The following IRAG1 variants were observed in gnomAD, a reference collection of about 807,000 sequenced individuals.
The protein encoded by IRAG1 is inositol 1,4,5-triphosphate receptor associated 1, also known as IP3R-associated cGMP kinase substrate.
A neutral mutation model predicts 106.2 loss-of-function variants in IRAG1; 62 were observed. The observed-to-expected ratio is 0.58, with a 90% CI of 0.48 to 0.72. The LOEUF (loss-of-function observed/expected upper bound fraction) is 0.72. IRAG1 is among the 30% of genes least tolerant of loss of function. The probability of loss-of-function intolerance (pLI) is 0.00; values close to 1 mark genes in which losing one functional copy is unlikely to be tolerated. For missense variants in IRAG1, 1,064 were observed against 1,140.7 expected, an observed-to-expected ratio of 0.93 and a Z score of 0.97; for synonymous variants, 462 against 443.9, an observed-to-expected ratio of 1.04 and a Z score of -0.51.
rs771960829 is a variant in IRAG1, at chr11:10,626,481, T to C, written c.853A>G (p.Ile285Val). The change falls in exon 9 of 21, where the codon ATT becomes GTT. Residue 285 changes from isoleucine to valine, a missense_variant. By Grantham distance (29) the Ile-to-Val change is conservative. Coordinates refer to ENST00000423302, the MANE Select transcript of IRAG1 (RefSeq NM_130385.4). ...RPPPVEKSKE[I>V]AIEQKENFDP... Reference sequence around the variant, plus strand: ...AAGTTTTCCTTTTGTTCTATTGCAATCTCTTTGGACTTCTCAACTGGAGGA... The same window carrying C: ...AAGTTTTCCTTTTGTTCTATTGCAACCTCTTTGGACTTCTCAACTGGAGGA... 5 of 1,613,600 alleles carry C rather than the reference T, an allele frequency of 3.1e-6. No individual in the cohort carries two copies. Among genetic ancestry groups the C allele is most frequent in the African/African-American group, 1.3e-5 (1 of 74,888 alleles).
At position 10,637,144 on chromosome 11, in the gene IRAG1, A is replaced by G. The variant is rs904003456; in HGVS notation, c.226-3073T>C. ...AGATCATCCATGCATCCCTCTATTCACACTGGTTGAGATGACAGAAGAGGC... is the reference window on the plus strand; with the variant it reads ...AGATCATCCATGCATCCCTCTATTCGCACTGGTTGAGATGACAGAAGAGGC... On this transcript the variant is annotated intron_variant, in intron 2 of 20. Coordinates refer to ENST00000423302, the MANE Select transcript of IRAG1 (RefSeq NM_130385.4). 3.9e-5 allele frequency among the ~76,000 whole-genome samples: 6 copies of G among 152,226 alleles called. 1 individual carries two copies. Among genetic ancestry groups the G allele is most frequent in the Admixed American group, 2.6e-4 (4 of 15,278 alleles).
chr11:10,626,660 GTC>G, intron 8 of IRAG1, 77 bp from the exon 9 acceptor site: 1 of 1,468,396 alleles, frequency 6.8e-7, no homozygotes, highest in Non-Finnish European at 9.1e-7. Flanking sequence ...CTGCTGTGGA[GTC>G]TCTGCCCCCA....
intron 1 of IRAG1, among the ~76,000 whole-genome samples, chr11:10,680,215 G>T (rs989860782): frequency 2.0e-5 from 3 of 146,576 alleles, no homozygotes; most frequent in South Asian, 2.3e-4. Context: ...GGAGGTTGCA[G>T]TGAGCAGAGA....
chr11:10,656,099 G>A (rs920931214), intron 1 of IRAG1, among the ~76,000 whole-genome samples: 4 of 152,176 alleles, frequency 2.6e-5, no homozygotes, highest in African/African-American at 7.2e-5. Flanking sequence ...GTGGGCACAC[G>A]GACCTCACAT....
chr11:10,679,100 A>G (rs1285869375), intron 1 of IRAG1, among the ~76,000 whole-genome samples: 1 of 152,194 alleles, frequency 6.6e-6, no homozygotes, highest in Non-Finnish European at 1.5e-5. Context: ...AGTTGTGTCT[A>G]TACTGCTCCT....
intron 2 of IRAG1, among the ~76,000 whole-genome samples, chr11:10,644,054 G>A (rs1191647954): frequency 2.0e-5 from 3 of 152,226 alleles, no homozygotes; most frequent in Admixed American, 2.0e-4. Flanking sequence ...CCAGCCTGGT[G>A]GAACTGTCCT....
intron 17 of IRAG1, among the ~76,000 whole-genome samples, chr11:10,592,267 G>A (rs1852767678): frequency 6.6e-6 from 1 of 152,106 alleles, no homozygotes; most frequent in Non-Finnish European, 1.5e-5. Context: ...TACCCTGTGT[G>A]GTTTTTAATC....
intron 2 of IRAG1, among the ~76,000 whole-genome samples, chr11:10,650,261 CTTGTT>C (rs1858361130): frequency 6.6e-6 from 1 of 152,038 alleles, no homozygotes; most frequent in Non-Finnish European, 1.5e-5. Context: ...TCTATGTTGT[CTTGTT>C]TTATGTTTCC....
At chr11:10,580,861 G>C (rs1283598345) in intron 19 of IRAG1, among the ~76,000 whole-genome samples, 2 of 152,166 alleles carry the variant, frequency 1.3e-5, no homozygotes, top group East Asian at 1.9e-4. Flanking sequence ...TCCTGACTGG[G>C]TTCTTAACCC....
intron 1 of IRAG1, chr11:10,687,844 A>G: frequency 7.9e-7 from 1 of 1,259,854 alleles, no homozygotes; most frequent in Non-Finnish European, 1.0e-6. Flanking sequence ...AAGAATAGAC[A>G]GTGGGCTAAG....
intron 10 of IRAG1, among the ~76,000 whole-genome samples, chr11:10,619,645 G>A (rs907778844): frequency 3.3e-5 from 5 of 152,192 alleles, no homozygotes; most frequent in African/African-American, 1.2e-4. Flanking sequence ...AAATGAAAAT[G>A]TATGCCAGGT....
chr11:10,658,697 G>T (rs147472820), intron 1 of IRAG1: 8 of 187,622 alleles, frequency 4.3e-5, no homozygotes, highest in African/African-American at 2.1e-4. Flanking sequence ...TCAGTCCCAG[G>T]TCTGTGCTGT....
chr11:10,669,110 G>C (rs1860018099), intron 1 of IRAG1, among the ~76,000 whole-genome samples: 1 of 152,156 alleles, frequency 6.6e-6, no homozygotes, highest in African/African-American at 2.4e-5. Flanking sequence ...GGGGCAATTT[G>C]GTGGACCCAT....
intron 2 of IRAG1, among the ~76,000 whole-genome samples, chr11:10,645,040 T>C (rs1857833399): frequency 1.3e-5 from 2 of 152,104 alleles, no homozygotes; most frequent in South Asian, 2.1e-4. Context: ...CAAGAGCAAA[T>C]TGGATCTGAC....
chr11:10,589,227 T>C (rs955895664), intron 18 of IRAG1: 2 of 152,236 alleles, frequency 1.3e-5, no homozygotes, highest in African/African-American at 4.8e-5. Flanking sequence ...TGAAATCATT[T>C]TAACACAAAG....
At chr11:10,604,828 A>C (rs1347393793) in intron 12 of IRAG1, among the ~76,000 whole-genome samples, 1 of 152,256 alleles carries the variant, frequency 6.6e-6, no homozygotes, top group Non-Finnish European at 1.5e-5. Context: ...CCTGAATTTT[A>C]AGAAAATAAC....
intron 1 of IRAG1, among the ~76,000 whole-genome samples, chr11:10,656,066 A>T (rs755843485): frequency 7.2e-5 from 11 of 152,210 alleles, no homozygotes; most frequent in Non-Finnish European, 1.3e-4. Flanking sequence ...CCCCAGGGTG[A>T]CATCTGGGTT....
chr11:10,661,856 AG>A (rs1859430364), intron 1 of IRAG1, among the ~76,000 whole-genome samples: 1 of 152,186 alleles, frequency 6.6e-6, no homozygotes, highest in African/African-American at 2.4e-5. Context: ...GTTAGGATGT[AG>A]ACATCTTGGG....
chr11:10,604,938 T>G (rs1854351811), intron 12 of IRAG1, among the ~76,000 whole-genome samples: 1 of 152,216 alleles, frequency 6.6e-6, no homozygotes, highest in Admixed American at 6.5e-5. Context: ...TTTGGAGATT[T>G]TGCAGGAAAA....
Sources: gnomAD v4.1 joint callset for allele counts (sites outside exome capture counted in the v4.1 genomes callset) on GRCh38, gnomAD v4.1.1 for gene constraint, MANE v1.5 for transcripts, NCBI Gene and HGNC (gene_info 2026-07-23, HGNC 2026-07-21) for gene names.